The following ABL1 variants were observed in gnomAD, a reference collection of about 807,000 sequenced individuals.
ABL1 encodes the protein tyrosine-protein kinase ABL1.
In ABL1, 11 loss-of-function variants were observed where a neutral mutation model predicts 94.7. The ratio of observed to expected loss-of-function variants is 0.12; its 90% CI spans 0.07 to 0.19. ABL1 has a LOEUF of 0.19. Ranked by LOEUF, ABL1 falls within the 10% of genes least tolerant of loss-of-function variation. ABL1 has a pLI of 1.00. For missense variants in ABL1, 1,082 were observed against 1,489.4 expected (o/e 0.73, Z 4.50); for synonymous variants, 656 against 622.4 (o/e 1.05, Z -0.80).
chr9:130,856,525 A>G (rs1830978533), intron 3 of ABL1, among the ~76,000 whole-genome samples: 1 of 152,180 alleles, frequency 6.6e-6, no homozygotes, highest in African/African-American at 2.4e-5. Context: ...CCCAGCCTAT[A>G]TTTTTTAAAT....
At chr9:130,728,612 A>T (rs986976209) in intron 1 of ABL1, among the ~76,000 whole-genome samples, 2 of 150,710 alleles carry the variant, frequency 1.3e-5, no homozygotes, top group African/African-American at 4.9e-5. Flanking sequence ...GGATGGTCTC[A>T]ATCTCCTGAC....
At position 130,821,222 on chromosome 9, in the gene ABL1, A is replaced by C. The variant is rs1040165744; in HGVS notation, c.137-32842A>C. 5.8e-4 allele frequency among the ~76,000 whole-genome samples: 88 copies of C among 152,038 alleles called. 2 individuals carry two copies. The highest frequency in any genetic ancestry group is 4.8e-3 in the Admixed American group (73 of 15,244). ...TGGGATTACAGGCGTGAGCCACCGCACCTGGCCCCACAATCCAGTTTTAGA... is the reference window on the plus strand; with the variant it reads ...TGGGATTACAGGCGTGAGCCACCGCCCCTGGCCCCACAATCCAGTTTTAGA... On this transcript the variant is annotated intron_variant, in intron 1 of 10. Coordinates refer to the ABL1 transcript ENST00000372348.
At chr9:130,730,400 C>G (rs1831649401) in intron 1 of ABL1, among the ~76,000 whole-genome samples, 1 of 152,054 alleles carries the variant, frequency 6.6e-6, no homozygotes, top group Admixed American at 6.6e-5. Context: ...ATCTCCCAGC[C>G]TTAATTTGCT....
intron 1 of ABL1, among the ~76,000 whole-genome samples, chr9:130,828,899 A>G (rs997532192): frequency 1.8e-4 from 27 of 152,250 alleles, no homozygotes; most frequent in African/African-American, 6.5e-4. Flanking sequence ...AAACAGAATT[A>G]TATAAATCTC....
intron 1 of ABL1, among the ~76,000 whole-genome samples, chr9:130,717,686 G>C (rs1831461241): frequency 6.6e-6 from 1 of 150,738 alleles, no homozygotes; most frequent in Non-Finnish European, 1.5e-5. Context: ...ACAGTTCATT[G>C]GTAGAGTTTC....
chr9:130,821,284 T>C (rs1465941820), intron 1 of ABL1, among the ~76,000 whole-genome samples: 2 of 152,160 alleles, frequency 1.3e-5, no homozygotes, highest in African/African-American at 2.4e-5. Context: ...CTTTTGTCCC[T>C]TTGCAGCAGT....
chr9:130,780,427 A>G (rs1023449083), intron 1 of ABL1, among the ~76,000 whole-genome samples: 2 of 152,236 alleles, frequency 1.3e-5, no homozygotes, highest in African/African-American at 4.8e-5. Context: ...GGCCATGCAG[A>G]TGAAGCCATA....
intron 1 of ABL1, among the ~76,000 whole-genome samples, chr9:130,788,705 A>G (rs1161024006): frequency 6.6e-6 from 1 of 152,218 alleles, no homozygotes; most frequent in East Asian, 1.9e-4. Flanking sequence ...TTTCAAGGAC[A>G]TGGAGCAGTT....
chr9:130,835,308 C>CGGGCGG lies in ABL1; in HGVS notation c.-134_-133insGGGGCG, dbSNP rs1183007805. 15 of 156,310 alleles carry CGGGCGG rather than the reference C, an allele frequency of 9.6e-5. No individual in the cohort carries two copies. The highest frequency in any genetic ancestry group is 1.5e-4 in the Non-Finnish European group (14 of 95,628). The allele number at this position is 156,310 out of a possible 1,614,324, so 9.7% of individuals were successfully genotyped here. A position where few individuals can be genotyped will look rare whatever the true frequency, so the allele number is the denominator to read the frequency against. On this transcript the variant is annotated 5_prime_UTR_variant, in exon 1 of 11. Transcript: ENST00000318560. This position sits in a 1 kb window ranked among gnomAD's most constrained non-coding sequence, Gnocchi z 4.6. ...ACGCGGCCGCGGCCATGGGCGGGCG[C>CGGGCGG]GGGCGCGCGGGGCGGCGGTGAGGGC...
At chr9:130,794,067 A>G (rs1342496228) in intron 1 of ABL1, among the ~76,000 whole-genome samples, 4 of 152,128 alleles carry the variant, frequency 2.6e-5, no homozygotes, top group Admixed American at 2.6e-4. Flanking sequence ...ATATATTACA[A>G]TGTAATAATA....
chr9:130,766,483 C>G (rs1158722899), intron 1 of ABL1, among the ~76,000 whole-genome samples: 1 of 152,144 alleles, frequency 6.6e-6, no homozygotes, highest in Non-Finnish European at 1.5e-5. Flanking sequence ...TGAGTGTGCC[C>G]CGTGGTTAGG....
intron 6 of ABL1, 68 bp from the exon 7 acceptor site, chr9:130,874,797 TCAG>T: frequency 6.6e-7 from 1 of 1,507,718 alleles, no homozygotes; most frequent in Admixed American, 1.7e-5. Flanking sequence ...GCACCTTTGC[TCAG>T]CAGTGGTGGA....
At chr9:130,760,750 C>T (rs1167601000) in intron 1 of ABL1, among the ~76,000 whole-genome samples, 1 of 151,454 alleles carries the variant, frequency 6.6e-6, no homozygotes, top group East Asian at 1.9e-4. Context: ...GCAACCTCCA[C>T]CTCCCAGGTT....
At chr9:130,733,575 CTTTT>C (rs35185474) in intron 1 of ABL1, among the ~76,000 whole-genome samples, 4 of 103,220 alleles carry the variant, frequency 3.9e-5, no homozygotes, top group South Asian at 6.6e-4. Flanking sequence ...CTGTAAAGCA[CTTTT>C]TTTTTTTTTT....
In ABL1 at chr9:130,872,250, G is replaced by A. The variant is rs776152993; in HGVS notation, c.907+37G>A. 9 of 1,588,930 alleles carry A rather than the reference G, an allele frequency of 5.7e-6. No individual in the cohort carries two copies. The highest frequency in any genetic ancestry group is 2.7e-5 in the African/African-American group (2 of 74,466). ...CGGGGCTCTGAAGAGAGGGTCTCGC[G>A]CCGCACCCCCAGGGTGACACAGGCG... On this transcript the variant is annotated intron_variant, in intron 5 of 10. Transcript: ENST00000318560. The surrounding 1 kb of genome is among the most constrained non-coding windows in gnomAD (Gnocchi z 5.0).
In ABL1 at chr9:130,835,490, A is replaced by G; in HGVS notation, c.44A>G (p.Lys15Arg). Residue 15 changes from lysine (K) to arginine (R), a missense_variant, in exon 1 of 11, where the codon AAG (lysine) becomes AGG (arginine). By Grantham distance (26) the Lys-to-Arg change is conservative. Coordinates refer to ENST00000318560, the MANE Select transcript of ABL1 (RefSeq NM_005157.6). The surrounding 1 kb of genome is among the most constrained non-coding windows in gnomAD (Gnocchi z 4.6). ...AAGCTGGTGGGCTGCAAATCCAAGA[A>G]GGGGCTGTCCTCGTCCTCCAGCTGT... is the stretch of plus-strand genomic sequence containing the variant. ...CLKLVGCKSKKGLSSSSSCYL... is the reference protein window; with the variant it reads ...CLKLVGCKSKRGLSSSSSCYL... 6.4e-7 allele frequency: 1 copy of G among 1,564,822 alleles called. No individual in the cohort carries two copies. The highest frequency in any genetic ancestry group is 1.3e-5 in the African/African-American group (1 of 74,310).
At chr9:130,739,809 A>T (rs927940368) in intron 1 of ABL1, among the ~76,000 whole-genome samples, 1 of 152,158 alleles carries the variant, frequency 6.6e-6, no homozygotes, top group East Asian at 1.9e-4. Context: ...GCACTTTGGG[A>T]GGCTGAGGTG....
chr9:130,737,036 T>A (rs984542749), intron 1 of ABL1, among the ~76,000 whole-genome samples: 1 of 152,092 alleles, frequency 6.6e-6, no homozygotes, highest in Non-Finnish European at 1.5e-5. Context: ...AAAGACTGTT[T>A]CCAGGTCTAC....
At chr9:130,837,730 T>A (rs1830610438) in intron 1 of ABL1, among the ~76,000 whole-genome samples, 1 of 152,212 alleles carries the variant, frequency 6.6e-6, no homozygotes, top group Non-Finnish European at 1.5e-5. Flanking sequence ...TCAGCGATAG[T>A]CTTTTAAAGA....
Sources: gnomAD v4.1 joint callset for allele counts (sites outside exome capture counted in the v4.1 genomes callset) on GRCh38, gnomAD v4.1.1 for gene constraint, Gnocchi (gnomAD v3.1) non-coding constraint, MANE v1.5 for transcripts, NCBI Gene and HGNC (gene_info 2026-07-23, HGNC 2026-07-21) for gene names.